The following TNKS1BP1 variants were observed in gnomAD, a reference collection of about 807,000 sequenced individuals.
The protein encoded by TNKS1BP1 is 182 kDa tankyrase-1-binding protein.
A neutral mutation model predicts 141.1 loss-of-function variants in TNKS1BP1; 48 were observed. The ratio of observed to expected loss-of-function variants is 0.34; its 90% confidence interval spans 0.27 to 0.43. The LOEUF is 0.43. Ranked by LOEUF, TNKS1BP1 falls within the 20% of genes least tolerant of loss-of-function variation. The probability of loss-of-function intolerance (pLI) is 1.00; values close to 1 mark genes in which losing one functional copy is unlikely to be tolerated. For missense variants in TNKS1BP1, 2,149 were observed against 2,226.0 expected (o/e 0.97, Z 0.70); for synonymous variants, 875 against 898.2 (o/e 0.97, Z 0.46).
In TNKS1BP1 at chr11:57,311,243, T is replaced by C. The variant is rs573872110; in HGVS notation, c.2155-687A>G. ...CCTCACGCTCCCTGACTCACCCTTG[T>C]GGGCGGGAGAGCCCTGGGCTCAGGG... is the stretch of plus-strand genomic sequence containing the variant. On this transcript the variant is annotated intron_variant, in intron 5 of 11. Transcript: ENST00000358252. 76 of 985,608 alleles carry C rather than the reference T, an allele frequency of 7.7e-5. No individual in the cohort carries two copies. In the African/African-American group the frequency reaches 1.3e-3, roughly 16 times the overall value. 61.1% of individuals were successfully genotyped at this position (985,608 alleles called of 1,614,324 possible).
chr11:57,322,493 G>GC (rs1173246691), intron 1 of TNKS1BP1, among the ~76,000 whole-genome samples: 3 of 151,274 alleles, frequency 2.0e-5, no homozygotes, highest in Non-Finnish European at 4.4e-5. Flanking sequence ...CCACATCCCT[G>GC]CCCCACTCTC....
At chr11:57,300,744 C>A (rs1026064389) in intron 10 of TNKS1BP1, 140 bp downstream of exon 10, 2 of 1,493,360 alleles carry the variant, frequency 1.3e-6, no homozygotes. Context: ...CTGACACCAT[C>A]TTCATACCGT....
Position 57,307,283 on chromosome 11 carries a change from G to C in TNKS1BP1, c.4316+1112C>G, listed in dbSNP as rs543196138. ...CCAGCAACCTGCCCAGGACCACAAG[G>C]GCCTCCCAACTCCTAGTCCTGCGCC... On this transcript the variant is annotated intron_variant, in intron 6 of 11. Coordinates refer to ENST00000358252, the MANE Select transcript of TNKS1BP1 (RefSeq NM_033396.3). Among the ~76,000 whole-genome samples the C allele has an allele frequency of 1.2e-4, 19 of 152,054 alleles. No individual in the cohort carries two copies. The East Asian group carries it at 3.3e-3, about 26-fold the overall frequency.
chr11:57,312,339 A>G (rs1329989475), intron 5 of TNKS1BP1, among the ~76,000 whole-genome samples, 195 bp downstream of exon 5: 1 of 152,184 alleles, frequency 6.6e-6, no homozygotes, highest in African/African-American at 2.4e-5. Context: ...GAGCTGGGAT[A>G]GAGCCTCACA....
chr11:57,313,850 A>G lies in TNKS1BP1; in HGVS notation c.838T>C (p.Ser280Pro). The G allele has an allele frequency of 1.3e-6, 2 of 1,522,928 alleles. No individual in the cohort carries two copies. The highest frequency in any genetic ancestry group is 1.4e-5 in the African/African-American group (1 of 71,846). The allele number at this position is 1,522,928 out of a possible 1,614,324, so 94.3% of individuals were successfully genotyped here. ...GGGCTGGCAGGGCCTCCATTCTCTGAGGAGGGGGCTGGACTTGAGGGAATC... is the reference window on the plus strand; with the variant it reads ...GGGCTGGCAGGGCCTCCATTCTCTGGGGAGGGGGCTGGACTTGAGGGAATC... ...PWIPSSPAPSSENGGPASPGL... is the reference protein window; with the variant it reads ...PWIPSSPAPSPENGGPASPGL... Residue 280 changes from serine to proline, a missense_variant, in exon 5 of 12, where the codon TCA (serine) becomes CCA (proline). Coordinates refer to ENST00000358252, the MANE Select transcript of TNKS1BP1 (RefSeq NM_033396.3).
intron 6 of TNKS1BP1, chr11:57,303,082 A>C: frequency 2.4e-6 from 1 of 424,040 alleles, no homozygotes. Context: ...GGCTCCTCTA[A>C]CTGCACGGAG....
rs1256445085 is a variant in TNKS1BP1 at position 57,313,367 on chromosome 11, C to T, written c.1321G>A (p.Glu441Lys). Residue 441 changes from glutamate (E) to lysine (K), a missense_variant, in exon 5 of 12, where the codon GAG becomes AAG. Glu to Lys is a moderately conservative substitution (Grantham distance 56). Coordinates refer to ENST00000358252, the MANE Select transcript of TNKS1BP1 (RefSeq NM_033396.3). ...GCAGCCAGCGAGCCCCCCAGCTTCT[C>T]CTGGTCCTGACTGGGTGACTGGAGC... ...GVLQSPSQDQ[E>K]KLGGSLAALP... The T allele has an allele frequency of 5.0e-6, 8 of 1,612,616 alleles. No homozygotes were observed. Among genetic ancestry groups the T allele is most frequent in the Non-Finnish European group, 5.9e-6 (7 of 1,179,734 alleles).
At chr11:57,300,419 C>T in intron 11 of TNKS1BP1, 109 bp downstream of exon 11, 1 of 1,014,330 alleles carries the variant, frequency 9.9e-7, no homozygotes, top group Admixed American at 2.3e-5. Context: ...TGTTTCTAAA[C>T]TTGCACAGAA....
In TNKS1BP1 at chr11:57,320,509, C is replaced by G. The variant is rs34448143; in HGVS notation, c.298G>C (p.Ala100Pro). 27,531 of 1,612,276 alleles carry G rather than the reference C, an allele frequency of 0.017. 403 individuals are homozygous for G. The highest frequency in any genetic ancestry group is 0.072 in the Middle Eastern group (435 of 6,056). The stretch of plus-strand genomic sequence containing the variant: ...GAGGCCTCAACCGCAGGCCTTGGTG[C>G]AAAGGGAAGGGGGCGCTTGCTGCCA... ...YGGSKRPLPF[A>P]PRPAVEASTG... The change falls in exon 3 of 12, where the codon GCA becomes CCA. Residue 100 changes from alanine (A) to proline (P), a missense_variant. Coordinates refer to ENST00000358252, the MANE Select transcript of TNKS1BP1 (RefSeq NM_033396.3).
In TNKS1BP1 at chr11:57,324,936, C is replaced by G. The variant is rs1209070931; in HGVS notation, c.-162G>C. The G allele has an allele frequency of 3.0e-6, 3 of 994,212 alleles. No homozygotes were observed. Among genetic ancestry groups the G allele is most frequent in the South Asian group, 4.5e-5 (1 of 22,242 alleles). The allele number at this position is 994,212 out of a possible 1,614,324, so 61.6% of individuals were successfully genotyped here. On this transcript the variant is annotated 5_prime_UTR_variant, in exon 1 of 12. Transcript: ENST00000358252. ...ACCGCCGCCGCCGCCGCCGTCACCG[C>G]GGGACGAAGCCACTGCGAGCCCCGG...
intron 10 of TNKS1BP1, 114 bp from the exon 11 acceptor site, chr11:57,300,714 T>C: frequency 6.6e-7 from 1 of 1,509,226 alleles, no homozygotes; most frequent in South Asian, 1.2e-5. Flanking sequence ...GTCTGGGGCC[T>C]GGCTGCAGGG....
In TNKS1BP1 at chr11:57,320,609, C is replaced by T. The variant is rs770672481; in HGVS notation, c.198G>A (p.Arg66=). ...ACTCAGCCAGGGGACCCCGGGGAGG[C>T]CGAGGCCCAACAGGCACCAGCAGGC... The part of the protein sequence containing the change: ...KPSLLVPVGP[R]PPRGPLAELP... The change falls in exon 3 of 12, where the codon CGG becomes CGA. Residue 66 remains arginine (R), a synonymous_variant. Transcript: ENST00000358252. 3 of 1,613,814 alleles carry T rather than the reference C, an allele frequency of 1.9e-6. No homozygotes were observed. In the Admixed American group the frequency reaches 5.0e-5, roughly 27 times the overall value.
chr11:57,313,483 C>T lies in TNKS1BP1; in HGVS notation c.1205G>A (p.Arg402Gln), dbSNP rs150664938. 2.5e-4 allele frequency: 397 copies of T among 1,581,802 alleles called. No homozygotes were observed. Among genetic ancestry groups the T allele is most frequent in the Non-Finnish European group, 3.2e-4 (367 of 1,162,816 alleles). ...CTCCTCCCCGCCAGATGGAAACGTC[C>T]GAGTGAGATCCAGCAACTCACCCAC... ...IEVGELLDLT[R>Q]TFPSGGEEEA... Residue 402 changes from arginine (R) to glutamine (Q), a missense_variant, in exon 5 of 12, where the codon CGG becomes CAG. Physicochemically the swap from Arg to Gln is conservative, Grantham distance 43. Transcript: ENST00000358252.
At chr11:57,318,043 A>C (rs1474978163) in intron 3 of TNKS1BP1, among the ~76,000 whole-genome samples, 156 bp from the exon 4 acceptor site, 1 of 152,224 alleles carries the variant, frequency 6.6e-6, no homozygotes, top group Non-Finnish European at 1.5e-5. Flanking sequence ...ACTATTAGGG[A>C]CACAGAATCT....
chr11:57,310,825 G>A (rs1328284012), intron 5 of TNKS1BP1, among the ~76,000 whole-genome samples: 1 of 152,112 alleles, frequency 6.6e-6, no homozygotes, highest in African/African-American at 2.4e-5. Flanking sequence ...GGCATGCAGT[G>A]GGCACTCAAT....
At chr11:57,316,888 G>C (rs10896603) in intron 4 of TNKS1BP1, among the ~76,000 whole-genome samples, 19,957 of 152,100 alleles carry the variant, frequency 0.13, 1,388 homozygotes, top group Middle Eastern at 0.16. Context: ...TGCTCTCACT[G>C]AAGCCAAAGT....
rs1358569038 is a variant in TNKS1BP1 at position 57,320,409 on chromosome 11, G to A, written c.398C>T (p.Pro133Leu). 1.2e-6 allele frequency: 2 copies of A among 1,611,188 alleles called. No homozygotes were observed. Among genetic ancestry groups the A allele is most frequent in the Non-Finnish European group, 8.5e-7 (1 of 1,177,760 alleles). The change falls in exon 3 of 12, where the codon CCA becomes CTA. Residue 133 changes from proline to leucine, a missense_variant. Transcript: ENST00000358252. Reference protein sequence around the residue: ...GKEEPPPLTPPARCAAPGGVR... With the variant: ...GKEEPPPLTPLARCAAPGGVR... ...ACCCCCTGGGGCTGCACATCGAGCT[G>A]GGGGTGTCAAAGGGGGTGGCTCCTC... is the stretch of plus-strand genomic sequence containing the variant.
intron 6 of TNKS1BP1, among the ~76,000 whole-genome samples, chr11:57,307,443 C>T (rs1169289710): frequency 6.6e-6 from 1 of 152,064 alleles, no homozygotes; most frequent in Non-Finnish European, 1.5e-5. Context: ...GCCCATCTTC[C>T]TCTCTCCCTT....
At position 57,300,519 on chromosome 11, in the gene TNKS1BP1, T is replaced by G; in HGVS notation, c.*12+9A>C. 6.2e-7 allele frequency: 1 copy of G among 1,614,168 alleles called. No individual in the cohort carries two copies. Among genetic ancestry groups the G allele is most frequent in the East Asian group, 2.2e-5 (1 of 44,880 alleles). ...CAGACTGGATCCAAGCCCAGGAACC[T>G]GTCCTCACCTCAGTGACTTCTCAGA... On this transcript the variant is annotated intron_variant, in intron 11 of 11. Transcript: ENST00000358252.
Sources: gnomAD v4.1 joint callset for allele counts (sites outside exome capture counted in the v4.1 genomes callset) on GRCh38, gnomAD v4.1.1 for gene constraint, MANE v1.5 for transcripts, NCBI Gene and HGNC (gene_info 2026-07-23, HGNC 2026-07-21) for gene names.